Variants in ANKHD1 observed in about 807,000 individuals in gnomAD.
ANKHD1 encodes the protein ankyrin repeat and KH domain containing 1.
In ANKHD1, 31 loss-of-function variants were observed where a neutral mutation model predicts 230.5. The observed-to-expected ratio is 0.13, with a 90% CI of 0.10 to 0.18. The LOEUF (loss-of-function observed/expected upper bound fraction) is 0.18. Among genes scored for constraint, ANKHD1 ranks in the 10% least tolerant of loss-of-function variants. The probability of loss-of-function intolerance (pLI) is 1.00; values close to 1 mark genes in which losing one functional copy is unlikely to be tolerated. For synonymous variants in ANKHD1, 1,074 were observed against 1,117.6 expected (o/e 0.96, Z 0.78); for missense variants, 2,256 against 3,071.3 (o/e 0.73, Z 6.27).
chr5:140,524,937 T>TAAAAAA, intron 25 of ANKHD1: 1 of 289,072 alleles, frequency 3.5e-6, no homozygotes, highest in Non-Finnish European at 6.8e-6. Flanking sequence ...CGTCTCTACT[T>TAAAAAA]AAAAAAAAAA....
chr5:140,479,553 C>G lies in ANKHD1; in HGVS notation c.1783-3027C>G, dbSNP rs1167067525. ...TTATATACATATATGCATTGATTCCCATGATATGCACACATATATGTATAT... is the reference window on the plus strand; with the variant it reads ...TTATATACATATATGCATTGATTCCGATGATATGCACACATATATGTATAT... On this transcript the variant is annotated intron_variant, in intron 10 of 33. Coordinates refer to ENST00000360839, the MANE Select transcript of ANKHD1 (RefSeq NM_017747.3). 2.6e-5 allele frequency among the ~76,000 whole-genome samples: 4 copies of G among 151,870 alleles called. No individual in the cohort carries two copies. The South Asian group carries it at 6.2e-4, about 24-fold the overall frequency.
chr5:140,530,412 C>T (rs1289930247), intron 29 of ANKHD1, among the ~76,000 whole-genome samples: 5 of 151,950 alleles, frequency 3.3e-5, no homozygotes, highest in East Asian at 1.9e-4. Flanking sequence ...GGGGTTTTGC[C>T]GTGTTACCCA....
At chr5:140,486,801 T>G (rs1368367262) in intron 13 of ANKHD1, 157 bp from the exon 14 acceptor site, 1 of 586,368 alleles carries the variant, frequency 1.7e-6, no homozygotes, top group Non-Finnish European at 2.7e-6. Flanking sequence ...TCTCAAAAAT[T>G]ATTGCTTGGT....
chr5:140,406,658 C>T (rs553840863), intron 1 of ANKHD1, among the ~76,000 whole-genome samples: 1 of 151,792 alleles, frequency 6.6e-6, no homozygotes, highest in Admixed American at 6.6e-5. Context: ...GATTCTCCTG[C>T]CTCAGTAGTG....
At chr5:140,447,625 GAA>G (rs1389825552) in intron 6 of ANKHD1, among the ~76,000 whole-genome samples, 2 of 152,234 alleles carry the variant, frequency 1.3e-5, no homozygotes, top group African/African-American at 4.8e-5. Context: ...GAGCAAGAGA[GAA>G]ATTCAAAGGT....
Position 140,530,536 on chromosome 5 carries a change from A to T in ANKHD1, c.6850+740A>T, listed in dbSNP as rs1209896097. Among the ~76,000 whole-genome samples the T allele has an allele frequency of 2.0e-5, 3 of 152,272 alleles. No homozygotes were observed. In the South Asian group the frequency reaches 6.2e-4, roughly 32 times the overall value. On this transcript the variant is annotated intron_variant, in intron 29 of 33. Transcript: ENST00000360839. The stretch of plus-strand genomic sequence containing the variant: ...AGCCTAGATACAGCTATTTGAAGAG[A>T]CCCAGTCATTTATAGGCTCTTACTT...
chr5:140,519,859 T>C (rs1753234542), intron 24 of ANKHD1, among the ~76,000 whole-genome samples: 1 of 151,952 alleles, frequency 6.6e-6, no homozygotes, highest in Non-Finnish European at 1.5e-5. Context: ...ATTCAGGACA[T>C]AGGCATGGGC....
chr5:140,505,114 TCTC>T lies in ANKHD1; in HGVS notation c.3151-5_3151-3del, dbSNP rs762839202. The stretch of plus-strand genomic sequence containing the variant: ...AAAAAATTTTAACTTATTTTTTTCT[TCTC>T]CTAGACTGAGAGCAATCATGACACA... On this transcript the variant is annotated splice_polypyrimidine_tract_variant and splice_region_variant and intron_variant, in intron 16 of 33. Coordinates refer to ENST00000360839, the MANE Select transcript of ANKHD1 (RefSeq NM_017747.3). 25 of 1,605,006 alleles carry T rather than the reference TCTC, an allele frequency of 1.6e-5. No individual in the cohort carries two copies. In the South Asian group the frequency reaches 2.3e-4, roughly 14 times the overall value.
intron 24 of ANKHD1, among the ~76,000 whole-genome samples, chr5:140,522,929 C>T (rs891685963): frequency 3.9e-5 from 6 of 151,990 alleles, no homozygotes; most frequent in African/African-American, 1.5e-4. Flanking sequence ...TGATATTGAA[C>T]ATCTATCTTT....
intron 15 of ANKHD1, among the ~76,000 whole-genome samples, chr5:140,504,106 G>A (rs192993271): frequency 3.3e-5 from 5 of 151,806 alleles, no homozygotes; most frequent in Non-Finnish European, 5.9e-5. Flanking sequence ...AGGCTGGAGG[G>A]CAGTGGCGTG....
At chr5:140,534,622 C>G (rs961170889) in intron 29 of ANKHD1, among the ~76,000 whole-genome samples, 5 of 152,008 alleles carry the variant, frequency 3.3e-5, no homozygotes, top group African/African-American at 1.2e-4. Context: ...ATGGGGAAAT[C>G]AAAGTCTGAA....
chr5:140,521,516 A>G (rs1000668929), intron 24 of ANKHD1, among the ~76,000 whole-genome samples: 2 of 152,200 alleles, frequency 1.3e-5, no homozygotes, highest in Non-Finnish European at 2.9e-5. Context: ...GGAAAGAATC[A>G]TTTTTGTAAT....
At chr5:140,459,947 T>C (rs1362522148) in intron 9 of ANKHD1, among the ~76,000 whole-genome samples, 1 of 152,206 alleles carries the variant, frequency 6.6e-6, no homozygotes, top group Non-Finnish European at 1.5e-5. Flanking sequence ...GATTTCTTAC[T>C]GTTATTAATG....
In ANKHD1 at chr5:140,458,619, C is replaced by T. The variant is rs574439746; in HGVS notation, c.1243-6C>T. 1.0e-5 allele frequency: 16 copies of T among 1,574,940 alleles called. No individual in the cohort carries two copies. The highest frequency in any genetic ancestry group is 1.4e-5 in the Non-Finnish European group (16 of 1,153,030). ...TCCTTCTTTCTTTACTTCTGAAAAT[C>T]TGCAGGATGGACATGTAGAGGTGGC... On this transcript the variant is annotated splice_region_variant and splice_polypyrimidine_tract_variant and intron_variant, in intron 7 of 33. Transcript: ENST00000360839.
intron 1 of ANKHD1, among the ~76,000 whole-genome samples, chr5:140,415,456 T>TTTTTTGGTTTTTTTTTTTTTTTCCCA (rs1771289608): frequency 6.7e-6 from 1 of 150,078 alleles, no homozygotes. Context: ...TTTTTTTTTT[T>TTTTTTGGTTTTTTTTTTTTTTTCCCA]GAGATGGAGT....
At chr5:140,473,958 C>G (rs1750816851) in intron 10 of ANKHD1, among the ~76,000 whole-genome samples, 1 of 152,198 alleles carries the variant, frequency 6.6e-6, no homozygotes, top group African/African-American at 2.4e-5. Flanking sequence ...ACTAATATCT[C>G]AGGAGATTCT....
At chr5:140,529,874 G>A (rs1753737697) in intron 29 of ANKHD1, 78 bp downstream of exon 29, 1 of 1,541,030 alleles carries the variant, frequency 6.5e-7, no homozygotes, top group Non-Finnish European at 8.7e-7. Flanking sequence ...AAAAAAAGTA[G>A]CAAGAGGTAA....
rs778823802 is a variant in ANKHD1 at position 140,505,787 on chromosome 5, A to G, written c.3326A>G (p.Asp1109Gly). The G allele has an allele frequency of 1.2e-6, 2 of 1,613,430 alleles. No homozygotes were observed. The highest frequency in any genetic ancestry group is 1.1e-5 in the South Asian group (1 of 90,988). ...GHVGVVEILL[D>G]KGGDIEAQSE... ...GTTGGAGTTGTTGAAATCCTTTTGG[A>G]TAAAGGTGGAGATATAGAAGCACAG... Residue 1109 changes from aspartate (D) to glycine (G), a missense_variant, in exon 18 of 34, where the codon GAT becomes GGT. Physicochemically the swap from Asp to Gly is moderately conservative, Grantham distance 94. This residue lies in a region of ANKHD1 where 63 missense variants were observed against 125.5 expected (regional missense o/e 0.50). Coordinates refer to ENST00000360839, the MANE Select transcript of ANKHD1 (RefSeq NM_017747.3).
At chr5:140,477,899 C>T (rs190058311) in intron 10 of ANKHD1, among the ~76,000 whole-genome samples, 4 of 152,202 alleles carry the variant, frequency 2.6e-5, no homozygotes, top group African/African-American at 7.2e-5. Context: ...CATGAGCCGC[C>T]GCGCCAAGCC....
Sources: allele counts gnomAD v4.1 joint callset (sites outside exome capture counted in the v4.1 genomes callset), GRCh38; gene constraint gnomAD v4.1.1; regional missense constraint gnomAD v4.1.1; transcripts MANE v1.5; gene names NCBI Gene and HGNC (gene_info 2026-07-23, HGNC 2026-07-21).